The following MED10 variants were observed in gnomAD, a reference collection of about 807,000 sequenced individuals.
MED10 encodes mediator complex subunit 10.
MED10 carries 9 observed loss-of-function variants against 17.2 expected under a neutral mutation model. That is an observed-to-expected ratio of 0.52 (90% CI 0.31 to 0.91). The LOEUF is 0.91. MED10 is among the 40% of genes least tolerant of loss of function. MED10 has a pLI of 0.04. For synonymous variants in MED10, 66 were observed against 59.8 expected, an observed-to-expected ratio of 1.10 and a Z score of -0.48; for missense variants, 129 against 164.8, an observed-to-expected ratio of 0.78 and a Z score of 1.19.
At chr5:6,377,847 A>G (rs1384622738) in intron 1 of MED10, among the ~76,000 whole-genome samples, 34 of 152,214 alleles carry the variant, frequency 2.2e-4, no homozygotes, top group Admixed American at 2.1e-3. Flanking sequence ...AGAAATAATA[A>G]TAATAAACGT....
intron 2 of MED10, among the ~76,000 whole-genome samples, chr5:6,376,354 T>G (rs1251796403): frequency 6.6e-6 from 1 of 152,224 alleles, no homozygotes; most frequent in African/African-American, 2.4e-5. Context: ...AATACTAGAA[T>G]GTTCTTGCTG....
chr5:6,376,048 G>C (rs1737981096), intron 2 of MED10, among the ~76,000 whole-genome samples: 1 of 152,322 alleles, frequency 6.6e-6, no homozygotes, highest in South Asian at 2.1e-4. Context: ...CCTGGACTGA[G>C]AAAGCCAAAG....
intron 2 of MED10, among the ~76,000 whole-genome samples, chr5:6,376,019 A>G (rs1479213098): frequency 6.6e-6 from 1 of 152,172 alleles, no homozygotes; most frequent in Non-Finnish European, 1.5e-5. Flanking sequence ...GAAGAGCACA[A>G]AGGAGGATGC....
intron 1 of MED10, among the ~76,000 whole-genome samples, chr5:6,378,013 G>C (rs1738036174): frequency 6.6e-6 from 1 of 152,228 alleles, no homozygotes; most frequent in Non-Finnish European, 1.5e-5. Flanking sequence ...TGAATTCCCA[G>C]AAGGGCTCCA....
chr5:6,375,554 A>G (rs1046172959), intron 2 of MED10, among the ~76,000 whole-genome samples: 1 of 152,238 alleles, frequency 6.6e-6, no homozygotes, highest in Non-Finnish European at 1.5e-5. Flanking sequence ...ACAGGCTCAC[A>G]GAATAAGGTT....
intron 2 of MED10, chr5:6,374,955 C>T (rs573463036): frequency 1.3e-5 from 2 of 153,356 alleles, no homozygotes; most frequent in African/African-American, 4.8e-5. Flanking sequence ...ACTACAAGCA[C>T]AAGAGCCCCA....
intron 2 of MED10, chr5:6,376,959 G>A (rs887694310): frequency 1.3e-5 from 5 of 387,012 alleles, no homozygotes; most frequent in Admixed American, 4.5e-5. Context: ...CTTTTTTTTC[G>A]TTTTGTAATG....
chr5:6,373,287 T>C (rs771788761), intron 3 of MED10, among the ~76,000 whole-genome samples: 7 of 152,288 alleles, frequency 4.6e-5, no homozygotes, highest in Non-Finnish European at 7.3e-5. Flanking sequence ...CCTGCGCACA[T>C]TAGCCATGGC....
intron 2 of MED10, among the ~76,000 whole-genome samples, chr5:6,376,021 G>A (rs185974720): frequency 1.6e-4 from 24 of 152,318 alleles, no homozygotes; most frequent in Non-Finnish European, 2.4e-4. Context: ...AGAGCACAAA[G>A]GAGGATGCTC....
intron 1 of MED10, among the ~76,000 whole-genome samples, chr5:6,377,660 G>A (rs960886229): frequency 3.3e-5 from 5 of 152,216 alleles, no homozygotes; most frequent in African/African-American, 1.2e-4. Flanking sequence ...CCTCTCTGGA[G>A]CCTTCCTACA....
intron 3 of MED10, among the ~76,000 whole-genome samples, chr5:6,373,986 G>C (rs975676290): frequency 3.3e-5 from 5 of 151,998 alleles, no homozygotes; most frequent in African/African-American, 4.8e-5. Flanking sequence ...ATGACTACAG[G>C]GAAAGCCTTC....
At chr5:6,377,424 T>TA (rs1738019447) in intron 1 of MED10, among the ~76,000 whole-genome samples, 175 bp from the exon 2 acceptor site, 1 of 152,234 alleles carries the variant, frequency 6.6e-6, no homozygotes, top group East Asian at 1.9e-4. Context: ...AGGACACCGT[T>TA]AGAGTTACAA....
intron 1 of MED10, among the ~76,000 whole-genome samples, chr5:6,377,592 C>T (rs1028726168): frequency 6.6e-6 from 1 of 152,190 alleles, no homozygotes; most frequent in African/African-American, 2.4e-5. Context: ...CATGAGGCAG[C>T]GGACTATACT....
chr5:6,372,708 G>A, intron 3 of MED10, 107 bp from the exon 4 acceptor site: 1 of 822,292 alleles, frequency 1.2e-6, no homozygotes, highest in South Asian at 1.6e-5. Context: ...AAGCAATACA[G>A]GGCCACGGGA....
intron 2 of MED10, 182 bp from the exon 3 acceptor site, chr5:6,374,608 T>C: frequency 1.8e-6 from 1 of 553,368 alleles, no homozygotes; most frequent in Non-Finnish European, 3.3e-6. Flanking sequence ...ACAGATCATC[T>C]GATTTCATTA....
chr5:6,373,581 C>T lies in MED10; in HGVS notation c.309+743G>A, dbSNP rs548625208. ...CGGAGAAGATGACAGGAGAAAAGAA[C>T]ACGAACGAAAGGGTTGGATGTATTC... is the stretch of plus-strand genomic sequence containing the variant. On this transcript the variant is annotated intron_variant, in intron 3 of 3. Transcript: ENST00000255764. 4.0e-5 allele frequency among the ~76,000 whole-genome samples: 6 copies of T among 151,192 alleles called. No individual in the cohort carries two copies. In the East Asian group the frequency reaches 1.2e-3, roughly 30 times the overall value.
intron 2 of MED10, chr5:6,374,749 A>C (rs959375354): frequency 1.6e-5 from 4 of 251,844 alleles, no homozygotes; most frequent in Non-Finnish European, 3.2e-5. Context: ...GCTATTTATT[A>C]CCTTTTTGAT....
At position 6,375,926 on chromosome 5, in the gene MED10, T is replaced by C. The variant is rs1737978365; in HGVS notation, c.206+1240A>G. On this transcript the variant is annotated intron_variant, in intron 2 of 3. Coordinates refer to ENST00000255764, the MANE Select transcript of MED10 (RefSeq NM_032286.3). ...TCGGCCCTTAAGCAGTCTGTTCACA[T>C]CAGTCTCCATTTGTTCTGCTTCAGA... Among the ~76,000 whole-genome samples, 10 of 152,330 alleles carry C rather than the reference T, an allele frequency of 6.6e-5. No individual in the cohort carries two copies. The South Asian group carries it at 2.1e-3, about 32-fold the overall frequency.
rs1737905287 is a variant in MED10, at chr5:6,372,369, T to C, written c.*134A>G. Reference sequence around the variant, plus strand: ...CCCTCGGTCCCATGAGGCCAAACAATGAGGACAGAGGGGCTGAGGGGTGTG... The same window carrying C: ...CCCTCGGTCCCATGAGGCCAAACAACGAGGACAGAGGGGCTGAGGGGTGTG... On this transcript the variant is annotated 3_prime_UTR_variant, in exon 4 of 4. Transcript: ENST00000255764. 2.9e-6 allele frequency: 2 copies of C among 689,974 alleles called. No homozygotes were observed. Among genetic ancestry groups the C allele is most frequent in the Non-Finnish European group, 5.0e-6 (2 of 396,792 alleles). The allele number at this position is 689,974 out of a possible 1,614,324, so 42.7% of individuals were successfully genotyped here.
Sources: gnomAD v4.1 joint callset for allele counts (sites outside exome capture counted in the v4.1 genomes callset) on GRCh38, gnomAD v4.1.1 for gene constraint, MANE v1.5 for transcripts, NCBI Gene and HGNC (gene_info 2026-07-23, HGNC 2026-07-21) for gene names.